Variants in OR2L5 observed in about 807,000 individuals in gnomAD.
OR2L5 encodes olfactory receptor 2L5.
For synonymous variants in OR2L5, 169 were observed against 142.0 expected (o/e 1.19, Z -1.35); for missense variants, 413 against 381.6 (o/e 1.08, Z -0.69).
intron 1 of OR2L5, among the ~76,000 whole-genome samples, chr1:248,020,796 TTTA>T (rs1166941499): frequency 2.0e-5 from 3 of 151,812 alleles, no homozygotes; most frequent in Non-Finnish European, 4.4e-5. Flanking sequence ...TTCATTTCAT[TTTA>T]TTATTATTTT....
intron 1 of OR2L5, among the ~76,000 whole-genome samples, chr1:248,015,031 T>C (rs1662157039): frequency 6.6e-6 from 1 of 152,194 alleles, no homozygotes; most frequent in African/African-American, 2.4e-5. Flanking sequence ...CTTACCTATG[T>C]ATCTATCTAT....
chr1:248,021,911 T>C lies in OR2L5; in HGVS notation c.-21-16T>C, dbSNP rs773348576. 4 of 1,543,210 alleles carry C rather than the reference T, an allele frequency of 2.6e-6. No individual in the cohort carries two copies. Among genetic ancestry groups the C allele is most frequent in the Non-Finnish European group, 3.6e-6 (4 of 1,126,646 alleles). ...GGGAACTACTGTACTTGACTTACCC[T>C]TGTGTCTCCCTTCAGGAAGGATCGT... is the stretch of plus-strand genomic sequence containing the variant. On this transcript the variant is annotated splice_polypyrimidine_tract_variant and intron_variant, in intron 1 of 1. Coordinates refer to ENST00000355281, the MANE Select transcript of OR2L5 (RefSeq NM_001258284.2).
In OR2L5 at chr1:248,016,100, T is replaced by G. The variant is rs1038257620; in HGVS notation, c.-22+2362T>G. 3.6e-4 allele frequency among the ~76,000 whole-genome samples: 55 copies of G among 152,344 alleles called. 1 individual carries two copies. Among genetic ancestry groups the G allele is most frequent in the Admixed American group, 3.1e-3 (47 of 15,306 alleles). On this transcript the variant is annotated intron_variant, in intron 1 of 1. Coordinates refer to ENST00000355281, the MANE Select transcript of OR2L5 (RefSeq NM_001258284.2). Reference sequence around the variant, plus strand: ...AAAATCTTTGTCTTCTATGAATATGTGAATTACTTAAATTAGGCTATTTTA... The same window carrying G: ...AAAATCTTTGTCTTCTATGAATATGGGAATTACTTAAATTAGGCTATTTTA...
rs746091618 is a variant in OR2L5, at chr1:248,022,844, C to T, written c.897C>T (p.Ala299=). ...TGAGAAACAAGGAGGTGATGGGGGCCCTGACACGAGTGATTCAGAATATCT... is the reference window on the plus strand; with the variant it reads ...TGAGAAACAAGGAGGTGATGGGGGCTCTGACACGAGTGATTCAGAATATCT... The part of the protein sequence containing the change: ...YSLRNKEVMG[A]LTRVIQNIFS... The change falls in exon 2 of 2, where the codon GCC becomes GCT. Residue 299 remains alanine (A), a synonymous_variant. Transcript: ENST00000355281. The T allele has an allele frequency of 7.4e-6, 12 of 1,612,476 alleles. No individual in the cohort carries two copies. The highest frequency in any genetic ancestry group is 1.0e-5 in the Non-Finnish European group (12 of 1,179,444).
chr1:248,016,174 A>G (rs77750209), intron 1 of OR2L5, among the ~76,000 whole-genome samples: 1,670 of 152,312 alleles, frequency 0.011, 25 homozygotes, highest in African/African-American at 0.038. Context: ...AAATCTATGC[A>G]ATTTAATGAT....
chr1:248,021,491 G>A (rs191456292), intron 1 of OR2L5, among the ~76,000 whole-genome samples: 1 of 152,142 alleles, frequency 6.6e-6, no homozygotes, highest in Admixed American at 6.5e-5. Flanking sequence ...TGCCACAAAT[G>A]AACACTTCAT....
At chr1:248,020,892 G>A (rs1168267271) in intron 1 of OR2L5, among the ~76,000 whole-genome samples, 1 of 149,496 alleles carries the variant, frequency 6.7e-6, no homozygotes, top group African/African-American at 2.5e-5. Flanking sequence ...TGTATATATG[G>A]GACCAACATG....
At position 248,017,873 on chromosome 1, in the gene OR2L5, AG is replaced by A. The variant is rs372105744; in HGVS notation, c.-21-4052del. Among the ~76,000 whole-genome samples, 57 of 152,290 alleles carry A rather than the reference AG, an allele frequency of 3.7e-4. 1 individual carries two copies. The highest frequency in any genetic ancestry group is 1.3e-3 in the African/African-American group (53 of 41,558). On this transcript the variant is annotated intron_variant, in intron 1 of 1. Coordinates refer to ENST00000355281, the MANE Select transcript of OR2L5 (RefSeq NM_001258284.2). ...AGAATGTGTCTGGTGGGTAGAGTAAAGGATATATTTGCATTCCTAACCAGCT... is the reference window on the plus strand; with the variant it reads ...AGAATGTGTCTGGTGGGTAGAGTAAAGATATATTTGCATTCCTAACCAGCT...
chr1:248,022,965 A>G lies in OR2L5; in HGVS notation c.*79A>G, dbSNP rs1662385528. On this transcript the variant is annotated 3_prime_UTR_variant, in exon 2 of 2. Transcript: ENST00000355281. ...TACAGCAGTGAAGAAAAACATTATT[A>G]CATGCCCAGTATGTCAAACAGAGAT... 1.6e-6 allele frequency: 2 copies of G among 1,285,870 alleles called. No homozygotes were observed. The highest frequency in any genetic ancestry group is 2.2e-6 in the Non-Finnish European group (2 of 928,754). 79.7% of individuals were successfully genotyped at this position (1,285,870 alleles called of 1,614,324 possible).
chr1:248,020,451 C>T (rs1481275155), intron 1 of OR2L5, among the ~76,000 whole-genome samples: 1 of 152,094 alleles, frequency 6.6e-6, no homozygotes, highest in African/African-American at 2.4e-5. Flanking sequence ...AGATTCTAAG[C>T]ATTAGGGAAG....
chr1:248,022,222 C>T lies in OR2L5; in HGVS notation c.275C>T (p.Ser92Phe). The T allele has an allele frequency of 6.2e-7, 1 of 1,614,178 alleles. No individual in the cohort carries two copies. Among genetic ancestry groups the T allele is most frequent in the Non-Finnish European group, 8.5e-7 (1 of 1,180,024 alleles). Reference protein sequence around the residue: ...SDFLYGNKSISFIGCGIQSFF... With the variant: ...SDFLYGNKSIFFIGCGIQSFF... ...TTTCTGTATGGAAACAAGTCTATCT[C>T]CTTCATTGGGTGTGGGATTCAGAGT... The change falls in exon 2 of 2, where the codon TCC (serine) becomes TTC (phenylalanine). Residue 92 changes from serine to phenylalanine, a missense_variant. Transcript: ENST00000355281.
At chr1:248,018,011 C>T (rs982818421) in intron 1 of OR2L5, among the ~76,000 whole-genome samples, 114 of 151,936 alleles carry the variant, frequency 7.5e-4, no homozygotes, top group African/African-American at 2.7e-3. Context: ...AAAAATTAGC[C>T]TGGCGTGGTG....
intron 1 of OR2L5, among the ~76,000 whole-genome samples, chr1:248,015,475 G>A (rs1662175165): frequency 6.6e-6 from 1 of 152,102 alleles, no homozygotes; most frequent in Non-Finnish European, 1.5e-5. Flanking sequence ...CTTGTTTTAA[G>A]GAATTCAGGC....
Position 248,023,311 on chromosome 1 carries a change from G to T in OR2L5, c.*425G>T, listed in dbSNP as rs537907908. The T allele has an allele frequency of 6.5e-6, 1 of 152,752 alleles. No individual in the cohort carries two copies. Among genetic ancestry groups the T allele is most frequent in the Non-Finnish European group, 1.5e-5 (1 of 68,490 alleles). 9.5% of individuals were successfully genotyped at this position (152,752 alleles called of 1,614,324 possible). On this transcript the variant is annotated 3_prime_UTR_variant, in exon 2 of 2. Coordinates refer to ENST00000355281, the MANE Select transcript of OR2L5 (RefSeq NM_001258284.2). Reference sequence around the variant, plus strand: ...TTATTTACTCTCAACTGGTGTGTATGTGTTCCTCTTTTTGCTAAAGTAATG... The same window carrying T: ...TTATTTACTCTCAACTGGTGTGTATTTGTTCCTCTTTTTGCTAAAGTAATG...
chr1:248,020,750 T>A (rs1210376447), intron 1 of OR2L5, among the ~76,000 whole-genome samples: 4 of 152,212 alleles, frequency 2.6e-5, no homozygotes, highest in Admixed American at 6.5e-5. Flanking sequence ...AAAGTTTGAC[T>A]TGGAATTATT....
At chr1:248,021,208 A>G (rs1662325735) in intron 1 of OR2L5, among the ~76,000 whole-genome samples, 1 of 152,154 alleles carries the variant, frequency 6.6e-6, no homozygotes, top group Admixed American at 6.5e-5. Flanking sequence ...TTTTTCCTAT[A>G]AATGTATATA....
chr1:248,016,409 T>C (rs1490179198), intron 1 of OR2L5, among the ~76,000 whole-genome samples: 1 of 152,170 alleles, frequency 6.6e-6, no homozygotes, highest in Non-Finnish European at 1.5e-5. Flanking sequence ...TCTTCTTTCT[T>C]TGAAAATATG....
intron 1 of OR2L5, among the ~76,000 whole-genome samples, chr1:248,017,426 A>G (rs1662224233): frequency 6.6e-6 from 1 of 152,184 alleles, no homozygotes; most frequent in Non-Finnish European, 1.5e-5. Flanking sequence ...GAGATGCTAC[A>G]CTGGTGTTCA....
At chr1:248,015,237 A>G (rs1662164181) in intron 1 of OR2L5, among the ~76,000 whole-genome samples, 1 of 152,220 alleles carries the variant, frequency 6.6e-6, no homozygotes, top group Non-Finnish European at 1.5e-5. Flanking sequence ...TTCCTACGTC[A>G]GTTAAACACA....
Sources: gnomAD v4.1 joint callset for allele counts (sites outside exome capture counted in the v4.1 genomes callset) on GRCh38, gnomAD v4.1.1 for gene constraint, MANE v1.5 for transcripts, NCBI Gene and HGNC (gene_info 2026-07-23, HGNC 2026-07-21) for gene names.